Variants in MACROD2 observed in about 807,000 individuals in gnomAD.
MACROD2 encodes mono-ADP ribosylhydrolase 2, also known as ADP-ribose glycohydrolase MACROD2.
MACROD2 carries 36 observed loss-of-function variants against 70.4 expected under a neutral mutation model. That is an observed-to-expected ratio of 0.51 (90% CI 0.39 to 0.68). MACROD2 has a LOEUF of 0.68. Among genes scored for constraint, MACROD2 ranks in the 30% least tolerant of loss-of-function variants. MACROD2 has a pLI of 0.00. For synonymous variants in MACROD2, 172 were observed against 178.8 expected, an observed-to-expected ratio of 0.96 and a Z score of 0.30; for missense variants, 496 against 538.4, an observed-to-expected ratio of 0.92 and a Z score of 0.78.
chr20:14,426,158 C>T lies in MACROD2; in HGVS notation c.272-67321C>T, dbSNP rs867395237. 4.6e-5 allele frequency among the ~76,000 whole-genome samples: 7 copies of T among 152,144 alleles called. No individual in the cohort carries two copies. The South Asian group carries it at 8.3e-4, about 18-fold the overall frequency. ...AAATTATATCATTGATTTTACCACT[C>T]CTCTTGTTTATCTTTGTGGAATTTA... On this transcript the variant is annotated intron_variant, in intron 3 of 17. Transcript: ENST00000684519.
intron 5 of MACROD2, among the ~76,000 whole-genome samples, chr20:14,728,766 C>A (rs974731141): frequency 1.3e-5 from 2 of 152,096 alleles, no homozygotes; most frequent in Non-Finnish European, 2.9e-5. Context: ...GCATGAGAAA[C>A]AAATTAGTTG....
At chr20:15,687,503 T>G in intron 8 of MACROD2, among the ~76,000 whole-genome samples, 1 of 139,812 alleles carries the variant, frequency 7.2e-6, no homozygotes, top group Non-Finnish European at 1.5e-5. Context: ...TTGGTTGTCC[T>G]TTGGTCATTG....
rs1173974984 is a variant in MACROD2 at position 14,034,442 on chromosome 20, A to G, written c.163+32038A>G. On this transcript the variant is annotated intron_variant, in intron 2 of 17. Transcript: ENST00000684519. ...GATTTATTTTTGTATTCTTGTGTTT[A>G]TGTCTGTAAGAATAATTTCCAGCCA... Among the ~76,000 whole-genome samples, 2 of 152,182 alleles carry G rather than the reference A, an allele frequency of 1.3e-5. 1 individual carries two copies. The highest frequency in any genetic ancestry group is 4.1e-4 in the South Asian group (2 of 4,836).
rs1182346144 is a variant in MACROD2 at position 14,515,471 on chromosome 20, A to ACGCGCGCGCGCGCGCG, written c.301+21964_301+21965insGCGCGCGCGCGCGCGC. ...ATGTGAGATACACACACACGCACAC[A>ACGCGCGCGCGCGCGCG]CACACACACACACACACACACACAC... On this transcript the variant is annotated intron_variant, in intron 4 of 17. Transcript: ENST00000684519. 2.9e-3 allele frequency among the ~76,000 whole-genome samples: 286 copies of ACGCGCGCGCGCGCGCG among 99,864 alleles called. 3 individuals are homozygous for ACGCGCGCGCGCGCGCG. The highest frequency in any genetic ancestry group is 0.01 in the African/African-American group (272 of 26,502). 65.5% of individuals were successfully genotyped at this position (99,864 alleles called of 152,430 possible).
intron 2 of MACROD2, among the ~76,000 whole-genome samples, chr20:14,080,923 T>C (rs2053985543): frequency 6.6e-6 from 1 of 152,220 alleles, no homozygotes; most frequent in Non-Finnish European, 1.5e-5. Context: ...TCACCACACC[T>C]TTTCATGTAT....
At chr20:14,541,641 T>A (rs1600362950) in intron 4 of MACROD2, among the ~76,000 whole-genome samples, 1 of 151,890 alleles carries the variant, frequency 6.6e-6, no homozygotes, top group African/African-American at 2.4e-5. Context: ...CATGGATATG[T>A]GAACAAAATG....
chr20:15,154,569 A>C (rs2076293620), intron 5 of MACROD2, among the ~76,000 whole-genome samples: 1 of 152,204 alleles, frequency 6.6e-6, no homozygotes, highest in Non-Finnish European at 1.5e-5. Context: ...GGAGTCTGTT[A>C]GTTTGAGATC....
intron 4 of MACROD2, among the ~76,000 whole-genome samples, chr20:14,584,040 A>G (rs1981212433): frequency 6.6e-6 from 1 of 152,000 alleles, no homozygotes; most frequent in African/African-American, 2.4e-5. Context: ...TAGGGATGCA[A>G]TTTCATTTTC....
At chr20:14,398,522 A>T (rs2083604370) in intron 3 of MACROD2, among the ~76,000 whole-genome samples, 1 of 152,034 alleles carries the variant, frequency 6.6e-6, no homozygotes, top group East Asian at 1.9e-4. Context: ...CATCACTAAA[A>T]CAAATTTGAT....
chr20:15,239,791 AG>A (rs1284372400), intron 6 of MACROD2, among the ~76,000 whole-genome samples: 1 of 152,234 alleles, frequency 6.6e-6, no homozygotes, highest in Non-Finnish European at 1.5e-5. Context: ...CACTTAGACT[AG>A]GTGACAAATG....
At chr20:15,464,191 T>G (rs2046855453) in intron 7 of MACROD2, among the ~76,000 whole-genome samples, 1 of 152,180 alleles carries the variant, frequency 6.6e-6, no homozygotes, top group Non-Finnish European at 1.5e-5. Flanking sequence ...TTTTTAAATT[T>G]TTTGGTAGAG....
At chr20:14,778,258 T>C (rs2072257779) in intron 5 of MACROD2, among the ~76,000 whole-genome samples, 1 of 152,100 alleles carries the variant, frequency 6.6e-6, no homozygotes, top group Non-Finnish European at 1.5e-5. Context: ...CATTATCTGA[T>C]GGACGACACA....
intron 6 of MACROD2, among the ~76,000 whole-genome samples, chr20:15,329,567 A>G (rs1284137664): frequency 7.9e-5 from 12 of 152,102 alleles, no homozygotes; most frequent in Non-Finnish European, 1.5e-5. Context: ...GCAAGACCCC[A>G]TTCTTCACAC....
intron 15 of MACROD2, among the ~76,000 whole-genome samples, chr20:15,994,409 ACT>A (rs921635806): frequency 1.3e-5 from 2 of 152,146 alleles, no homozygotes; most frequent in African/African-American, 4.8e-5. Flanking sequence ...GTTTAAAAAA[ACT>A]CTTCGAACAA....
chr20:15,616,869 T>A (rs1275718428), intron 8 of MACROD2, among the ~76,000 whole-genome samples: 1 of 152,254 alleles, frequency 6.6e-6, no homozygotes, highest in Non-Finnish European at 1.5e-5. Flanking sequence ...TACACATGGC[T>A]ACTAGAGTGG....
chr20:14,875,486 T>C (rs1005319039), intron 5 of MACROD2, among the ~76,000 whole-genome samples: 4 of 152,200 alleles, frequency 2.6e-5, no homozygotes, highest in Non-Finnish European at 5.9e-5. Context: ...ATTTTGATTC[T>C]TTTTAAAAAT....
At chr20:15,318,301 C>G (rs541420898) in intron 6 of MACROD2, among the ~76,000 whole-genome samples, 52 of 152,054 alleles carry the variant, frequency 3.4e-4, no homozygotes, top group Non-Finnish European at 6.5e-4. Context: ...AAAATTTGAA[C>G]AGATTTATAT....
At chr20:14,709,255 C>T (rs571106374) in intron 5 of MACROD2, among the ~76,000 whole-genome samples, 2 of 151,666 alleles carry the variant, frequency 1.3e-5, no homozygotes, top group African/African-American at 2.4e-5. Context: ...AAATATATTC[C>T]TGAGTTCTAA....
At chr20:15,830,707 T>A (rs967121683) in intron 8 of MACROD2, among the ~76,000 whole-genome samples, 26 of 152,236 alleles carry the variant, frequency 1.7e-4, no homozygotes, top group African/African-American at 6.3e-4. Context: ...TGTTTGTTAC[T>A]GGATATCAAA....
Sources: gnomAD v4.1 joint callset for allele counts (sites outside exome capture counted in the v4.1 genomes callset) on GRCh38, gnomAD v4.1.1 for gene constraint, MANE v1.5 for transcripts, NCBI Gene and HGNC (gene_info 2026-07-23, HGNC 2026-07-21) for gene names.